Variants in DAB1 observed in about 807,000 individuals in gnomAD.
The protein encoded by DAB1 is DAB adaptor protein 1.
In DAB1, 15 loss-of-function variants were observed where a neutral mutation model predicts 64.6. The observed-to-expected ratio is 0.23, with a 90% CI of 0.16 to 0.36. The LOEUF is 0.36. DAB1 is among the 10% of genes least tolerant of loss of function. The pLI, the probability that DAB1 is intolerant of heterozygous loss-of-function variation, is 1.00. For synonymous variants in DAB1, 235 were observed against 251.9 expected (o/e 0.93, Z 0.64); for missense variants, 596 against 706.7 (o/e 0.84, Z 1.78).
chr1:57,901,940 A>AAAAC (rs200239183), intron 5 of DAB1, among the ~76,000 whole-genome samples: 22 of 152,108 alleles, frequency 1.4e-4, no homozygotes, highest in Middle Eastern at 3.4e-3. Flanking sequence ...CTTTGTATTA[A>AAAAC]AAACAAACAA....
At chr1:57,376,480 G>A (rs566321260) in intron 1 of DAB1, among the ~76,000 whole-genome samples, 51 of 152,330 alleles carry the variant, frequency 3.3e-4, no homozygotes, top group African/African-American at 1.1e-3. Context: ...TAAGCTTCAC[G>A]ATGCAGGAAT....
chr1:57,728,269 A>G (rs1309606071), intron 6 of DAB1, among the ~76,000 whole-genome samples: 3 of 152,170 alleles, frequency 2.0e-5, no homozygotes, highest in African/African-American at 7.2e-5. Context: ...TAGCTTAGCA[A>G]ATACAATATT....
intron 7 of DAB1, among the ~76,000 whole-genome samples, chr1:57,532,713 C>A (rs764634797): frequency 6.6e-6 from 1 of 152,146 alleles, no homozygotes; most frequent in Non-Finnish European, 1.5e-5. Context: ...TGCTGAAATG[C>A]AAGCTTCTTG....
At chr1:57,811,441 C>T (rs563994676) in intron 6 of DAB1, among the ~76,000 whole-genome samples, 1 of 152,336 alleles carries the variant, frequency 6.6e-6, no homozygotes, top group African/African-American at 2.4e-5. Flanking sequence ...GTTCTGACTT[C>T]CCCTTTGCCT....
At chr1:58,290,852 T>G (rs539489613) in intron 4 of DAB1, among the ~76,000 whole-genome samples, 4 of 152,178 alleles carry the variant, frequency 2.6e-5, no homozygotes, top group Admixed American at 6.5e-5. Flanking sequence ...TAGAACCACG[T>G]GCTTGTTTTC....
At chr1:57,685,245 C>A (rs910968065) in intron 6 of DAB1, among the ~76,000 whole-genome samples, 1 of 151,456 alleles carries the variant, frequency 6.6e-6, no homozygotes, top group Non-Finnish European at 1.5e-5. Context: ...AGCCACCACT[C>A]GTGGCCGGGA....
intron 6 of DAB1, among the ~76,000 whole-genome samples, chr1:57,651,670 A>G (rs1360675492): frequency 6.6e-6 from 1 of 152,148 alleles, no homozygotes; most frequent in Non-Finnish European, 1.5e-5. Flanking sequence ...ACAAACAAAA[A>G]AAAAATGACA....
chr1:57,947,241 C>T (rs1157174129), intron 5 of DAB1, among the ~76,000 whole-genome samples: 7 of 152,098 alleles, frequency 4.6e-5, no homozygotes, highest in Non-Finnish European at 1.5e-5. Context: ...AGCATGTGAT[C>T]TTCATACTAG....
chr1:57,135,882 T>C (rs769906518), intron 4 of DAB1, among the ~76,000 whole-genome samples: 83 of 152,196 alleles, frequency 5.5e-4, no homozygotes, highest in Admixed American at 1.2e-3. Context: ...TTGACTCTTG[T>C]TCTCTTGGAA....
chr1:58,258,022 G>A (rs918317659), intron 4 of DAB1, among the ~76,000 whole-genome samples: 8 of 152,228 alleles, frequency 5.3e-5, no homozygotes, highest in Non-Finnish European at 1.0e-4. Context: ...TGTTACCGTG[G>A]TGGGGAGGGA....
intron 5 of DAB1, among the ~76,000 whole-genome samples, chr1:57,966,401 C>T (rs1436483828): frequency 6.6e-6 from 1 of 152,094 alleles, no homozygotes; most frequent in Non-Finnish European, 1.5e-5. Flanking sequence ...CTGGCGCAAC[C>T]TGCTGGAGGA....
chr1:57,109,769 C>A (rs574007335), intron 4 of DAB1, among the ~76,000 whole-genome samples: 1 of 152,256 alleles, frequency 6.6e-6, no homozygotes, highest in South Asian at 2.1e-4. Context: ...GGAAAACATA[C>A]CCGGCACATA....
In DAB1 at chr1:57,227,343, A is replaced by G. The variant is rs139551162; in HGVS notation, c.67+63621T>C. On this transcript the variant is annotated intron_variant, in intron 2 of 14. Coordinates refer to ENST00000371236, the MANE Select transcript of DAB1 (RefSeq NM_001365792.1). ...GTATTCTAGGACTGGGGATCCAGCA[A>G]TGAAGACTAAAGACTATCATTACAG... Among the ~76,000 whole-genome samples the G allele has an allele frequency of 1.7e-3, 265 of 152,342 alleles. 1 individual carries two copies. Among genetic ancestry groups the G allele is most frequent in the African/African-American group, 6.3e-3 (260 of 41,578 alleles).
chr1:57,192,187 G>A (rs1041239881), intron 2 of DAB1, among the ~76,000 whole-genome samples: 1 of 152,010 alleles, frequency 6.6e-6, no homozygotes, highest in African/African-American at 2.4e-5. Flanking sequence ...CATTCTGGTG[G>A]GCACCTGTAG....
At chr1:57,305,398 C>T (rs1358361425) in intron 1 of DAB1, among the ~76,000 whole-genome samples, 1 of 152,150 alleles carries the variant, frequency 6.6e-6, no homozygotes, top group Non-Finnish European at 1.5e-5. Flanking sequence ...CTGCTAGGAC[C>T]CAGCACTGGC....
intron 5 of DAB1, among the ~76,000 whole-genome samples, chr1:57,947,574 GA>G (rs1645202596): frequency 6.6e-6 from 1 of 152,112 alleles, no homozygotes; most frequent in Non-Finnish European, 1.5e-5. Context: ...CCCGTGGAAA[GA>G]AAACTCTCTC....
intron 2 of DAB1, among the ~76,000 whole-genome samples, chr1:57,145,944 C>T (rs2100826409): frequency 6.6e-6 from 1 of 152,290 alleles, no homozygotes; most frequent in East Asian, 1.9e-4. Flanking sequence ...TACCTGAGGA[C>T]AGTTATCAAA....
At chr1:57,147,651 C>T (rs1380485877) in intron 2 of DAB1, among the ~76,000 whole-genome samples, 8 of 152,100 alleles carry the variant, frequency 5.3e-5, no homozygotes, top group Non-Finnish European at 1.2e-4. Flanking sequence ...GCTAAACATC[C>T]TCCTCTTCAA....
intron 1 of DAB1, among the ~76,000 whole-genome samples, chr1:57,379,809 A>G (rs17115695): frequency 0.049 from 7,446 of 152,284 alleles, 609 homozygotes; most frequent in African/African-American, 0.17. Context: ...ATGTAGTAGA[A>G]AGATATCCAA....
Sources: allele counts gnomAD v4.1 joint callset (sites outside exome capture counted in the v4.1 genomes callset), GRCh38; gene constraint gnomAD v4.1.1; transcripts MANE v1.5; gene names NCBI Gene and HGNC (gene_info 2026-07-23, HGNC 2026-07-21).